PCDHA7: variants seen among roughly 807,000 people sequenced by gnomAD.
PCDHA7 encodes the protein protocadherin alpha 7, also known as protocadherin alpha-7.
Under a neutral mutation model 57.2 loss-of-function variants are expected in PCDHA7, and 37 were observed. The ratio of observed to expected loss-of-function variants is 0.65; its 90% CI spans 0.50 to 0.85. The LOEUF is 0.85. PCDHA7 is among the 40% of genes least tolerant of loss of function. PCDHA7 has a pLI of 0.00. For synonymous variants in PCDHA7, 553 were observed against 558.8 expected, an observed-to-expected ratio of 0.99 and a Z score of 0.15; for missense variants, 1,188 against 1,241.8, an observed-to-expected ratio of 0.96 and a Z score of 0.65.
chr5:140,899,407 T>C (rs1183210224), intron 1 of PCDHA7, among the ~76,000 whole-genome samples: 2 of 152,226 alleles, frequency 1.3e-5, no homozygotes, highest in Non-Finnish European at 2.9e-5. Context: ...TGAAGGGTTG[T>C]TGAATTTTGT....
At chr5:140,983,720 T>G (rs1563510266) in intron 3 of PCDHA7, among the ~76,000 whole-genome samples, 1 of 152,228 alleles carries the variant, frequency 6.6e-6, no homozygotes, top group Non-Finnish European at 1.5e-5. Context: ...AGCACTTATA[T>G]TCATAACATG....
At chr5:140,924,646 G>A (rs2081930568) in intron 1 of PCDHA7, among the ~76,000 whole-genome samples, 1 of 152,122 alleles carries the variant, frequency 6.6e-6, no homozygotes, top group Non-Finnish European at 1.5e-5. Context: ...TGTAATCCCA[G>A]CACTTTGGGA....
intron 1 of PCDHA7, among the ~76,000 whole-genome samples, chr5:140,914,897 TTG>T (rs1415652208): frequency 6.6e-6 from 1 of 151,972 alleles, no homozygotes; most frequent in East Asian, 1.9e-4. Context: ...GCTTTTAACT[TTG>T]TGTTGTTTCT....
chr5:140,913,981 G>A (rs1222294742), intron 1 of PCDHA7, among the ~76,000 whole-genome samples: 1 of 152,090 alleles, frequency 6.6e-6, no homozygotes, highest in Non-Finnish European at 1.5e-5. Flanking sequence ...TTTAGGACTT[G>A]TATTGTGACT....
intron 1 of PCDHA7, among the ~76,000 whole-genome samples, chr5:140,944,406 C>T (rs1003379783): frequency 2.0e-5 from 3 of 152,084 alleles, no homozygotes; most frequent in Non-Finnish European, 2.9e-5. Flanking sequence ...AGGCTGGTCT[C>T]GAACTCCTGA....
In PCDHA7 at chr5:140,929,377, C is replaced by G. The variant is rs1436728913; in HGVS notation, c.2356-49572C>G. 3 of 1,514,232 alleles carry G rather than the reference C, an allele frequency of 2.0e-6. No homozygotes were observed. In the African/African-American group the frequency reaches 4.2e-5, roughly 21 times the overall value. The allele number at this position is 1,514,232 out of a possible 1,614,324, so 93.8% of individuals were successfully genotyped here. Reference sequence around the variant, plus strand: ...CCTTTGGCCCGGAGATGGCTGCTAGCTGTGTTTTGAAATATTTCTTAGACA... The same window carrying G: ...CCTTTGGCCCGGAGATGGCTGCTAGGTGTGTTTTGAAATATTTCTTAGACA... On this transcript the variant is annotated intron_variant, in intron 1 of 3. Coordinates refer to ENST00000525929, the MANE Select transcript of PCDHA7 (RefSeq NM_018910.3).
At chr5:140,897,100 A>G (rs10054072) in intron 1 of PCDHA7, among the ~76,000 whole-genome samples, 2,117 of 151,950 alleles carry the variant, frequency 0.014, 42 homozygotes, top group African/African-American at 0.049. Context: ...CTCATTAAAA[A>G]TCTCCACTTT....
chr5:140,876,660 G>A, intron 1 of PCDHA7: 1 of 1,614,216 alleles, frequency 6.2e-7, no homozygotes, highest in Non-Finnish European at 8.5e-7. Flanking sequence ...TTCCCTTCAA[G>A]CTGGTGTCCA....
At chr5:140,841,713 C>G in intron 1 of PCDHA7, 2 of 1,613,888 alleles carry the variant, frequency 1.2e-6, no homozygotes, top group Non-Finnish European at 1.7e-6. Context: ...GACAACCCGC[C>G]AGTGTTCCGG....
At chr5:140,903,545 C>T (rs1562939927) in intron 1 of PCDHA7, among the ~76,000 whole-genome samples, 3 of 152,130 alleles carry the variant, frequency 2.0e-5, no homozygotes, top group Non-Finnish European at 4.4e-5. Context: ...GAGCAAGAAA[C>T]TTTTCTAATA....
intron 1 of PCDHA7, among the ~76,000 whole-genome samples, chr5:140,913,854 A>G: frequency 6.6e-6 from 1 of 152,128 alleles, no homozygotes; most frequent in Middle Eastern, 3.2e-3. Context: ...ATTCAGGAGC[A>G]TATTGTTTAA....
chr5:140,904,613 T>C (rs1554191625), intron 1 of PCDHA7, among the ~76,000 whole-genome samples: 2 of 152,112 alleles, frequency 1.3e-5, no homozygotes, highest in African/African-American at 2.4e-5. Context: ...ATAGTAGTTT[T>C]ACTTTTAGTT....
At chr5:140,912,164 C>G (rs1554195175) in intron 1 of PCDHA7, among the ~76,000 whole-genome samples, 1 of 152,158 alleles carries the variant, frequency 6.6e-6, no homozygotes, top group Non-Finnish European at 1.5e-5. Flanking sequence ...TTTATTCTGG[C>G]TGTGCTGGCA....
intron 1 of PCDHA7, among the ~76,000 whole-genome samples, chr5:140,906,762 G>GAGAC (rs1413130419): frequency 6.6e-6 from 1 of 152,218 alleles, no homozygotes; most frequent in Non-Finnish European, 1.5e-5. Context: ...GTAATACTAA[G>GAGAC]AGACACCCTA....
chr5:140,912,145 C>T (rs561351882), intron 1 of PCDHA7, among the ~76,000 whole-genome samples: 1 of 152,302 alleles, frequency 6.6e-6, no homozygotes, highest in African/African-American at 2.4e-5. Flanking sequence ...CCATGTTCTT[C>T]TGCCTGTTTT....
intron 1 of PCDHA7, among the ~76,000 whole-genome samples, chr5:140,899,991 G>C (rs2067668603): frequency 6.6e-6 from 1 of 151,712 alleles, no homozygotes; most frequent in African/African-American, 2.4e-5. Context: ...GATTTTTTTT[G>C]TAGAGATGAG....
intron 1 of PCDHA7, among the ~76,000 whole-genome samples, chr5:140,942,981 G>A (rs1242135518): frequency 6.6e-6 from 1 of 152,048 alleles, no homozygotes; most frequent in Non-Finnish European, 1.5e-5. Context: ...TTGGGGCTGG[G>A]TGTGGTGGCT....
intron 3 of PCDHA7, among the ~76,000 whole-genome samples, chr5:140,999,861 A>G (rs1181249308): frequency 6.6e-6 from 1 of 152,184 alleles, no homozygotes; most frequent in Non-Finnish European, 1.5e-5. Flanking sequence ...TTCCGCTCCA[A>G]GATTACTGAA....
At chr5:140,973,004 G>A (rs1183511655) in intron 1 of PCDHA7, among the ~76,000 whole-genome samples, 4 of 152,096 alleles carry the variant, frequency 2.6e-5, no homozygotes, top group African/African-American at 9.7e-5. Flanking sequence ...ATTTGTGGTC[G>A]TGGTGTTGTG....
Sources: allele counts gnomAD v4.1 joint callset (sites outside exome capture counted in the v4.1 genomes callset), GRCh38; gene constraint gnomAD v4.1.1; transcripts MANE v1.5; gene names NCBI Gene and HGNC (gene_info 2026-07-23, HGNC 2026-07-21).